Variants in KIF27 observed in about 807,000 individuals in gnomAD.
KIF27 encodes kinesin family member 27.
KIF27 carries 84 observed loss-of-function variants against 141.8 expected under a neutral mutation model. The observed-to-expected ratio is 0.59, with a 90% confidence interval of 0.50 to 0.71. The LOEUF is 0.71. KIF27 is among the 30% of genes least tolerant of loss of function. The pLI is 0.00. For missense variants in KIF27, 1,306 were observed against 1,628.4 expected (o/e 0.80, Z 3.41); for synonymous variants, 471 against 569.5 (o/e 0.83, Z 2.46).
chr9:83,881,149 A>C (rs1280706074), intron 10 of KIF27, among the ~76,000 whole-genome samples: 1 of 151,886 alleles, frequency 6.6e-6, no homozygotes, highest in African/African-American at 2.4e-5. Flanking sequence ...AACCATTATA[A>C]TTACTATTTT....
chr9:83,844,587 C>T (rs1350402284), intron 16 of KIF27, among the ~76,000 whole-genome samples: 2 of 152,050 alleles, frequency 1.3e-5, no homozygotes, highest in Non-Finnish European at 2.9e-5. Flanking sequence ...GAACTGTTTA[C>T]AGAATTATGC....
At chr9:83,864,012 C>T (rs1356013668) in intron 13 of KIF27, among the ~76,000 whole-genome samples, 1 of 152,150 alleles carries the variant, frequency 6.6e-6, no homozygotes. Flanking sequence ...TCTGTGGGAT[C>T]GGTGGTGATA....
At position 83,837,330 on chromosome 9, in the gene KIF27, G is replaced by A. The variant is rs1466826673; in HGVS notation, c.3877C>T (p.Gln1293Ter). 4 of 1,607,666 alleles carry A rather than the reference G, an allele frequency of 2.5e-6. No individual in the cohort carries two copies. The East Asian group carries it at 6.7e-5, about 27-fold the overall frequency. The change falls in exon 18 of 18, where the codon CAA becomes TAA. Residue 1293 changes from glutamine to a stop codon, truncating the protein, a stop_gained. Coordinates refer to ENST00000297814, the MANE Select transcript of KIF27 (RefSeq NM_017576.4). LOFTEE classifies it low-confidence loss of function (END_TRUNC). ...ASSLRTQPNP[Q>*]KLWEDIPELP... is the part of the protein sequence containing the mutation. ...TCTGGGATATCTTCCCAGAGCTTTT[G>A]AGGATTTGGCTGTGTTCTTAAGCTG...
chr9:83,844,320 A>ATATAGATAGCTATATATATTTATATAGAT (rs1946951920), intron 16 of KIF27, among the ~76,000 whole-genome samples: 1 of 151,412 alleles, frequency 6.6e-6, no homozygotes, highest in Admixed American at 6.6e-5. Context: ...AGATATAGAT[A>ATATAGATAGCTATATATATTTATATAGAT]TATAGATAGC....
intron 12 of KIF27, among the ~76,000 whole-genome samples, chr9:83,870,061 A>G (rs1397496357): frequency 2.0e-5 from 3 of 152,194 alleles, no homozygotes; most frequent in Non-Finnish European, 4.4e-5. Flanking sequence ...CAAAACAAAT[A>G]CTAGAAATTT....
At chr9:83,872,812 A>G (rs1950902294) in intron 11 of KIF27, among the ~76,000 whole-genome samples, 2 of 152,198 alleles carry the variant, frequency 1.3e-5, no homozygotes, top group South Asian at 4.1e-4. Context: ...AAGGGGGATG[A>G]TAAGTAAAGG....
At position 83,850,156 on chromosome 9, in the gene KIF27, T is replaced by A; in HGVS notation, c.3499A>T (p.Thr1167Ser). The change falls in exon 16 of 18, where the codon ACC becomes TCC. Residue 1167 changes from threonine (T) to serine (S), a missense_variant. This residue lies in a region of KIF27 where 596 missense variants were observed against 751.6 expected (regional missense o/e 0.79). Coordinates refer to ENST00000297814, the MANE Select transcript of KIF27 (RefSeq NM_017576.4). The stretch of plus-strand genomic sequence containing the variant: ...TGTTCGTGTTCCTTTTGCTGGAGGG[T>A]CAGTCTCCGGTCACACTGCAATTTT... ...HLKLQCDRRL[T>S]LQQKEHEQKM... 6.2e-7 allele frequency: 1 copy of A among 1,613,906 alleles called. No individual in the cohort carries two copies. The highest frequency in any genetic ancestry group is 8.5e-7 in the Non-Finnish European group (1 of 1,179,836).
chr9:83,863,202 C>T (rs1950085781), intron 13 of KIF27, among the ~76,000 whole-genome samples: 1 of 152,116 alleles, frequency 6.6e-6, no homozygotes, highest in Admixed American at 6.6e-5. Context: ...GCCAGAACTT[C>T]CAACACTATG....
intron 10 of KIF27, among the ~76,000 whole-genome samples, chr9:83,881,480 T>G (rs1021711963): frequency 6.6e-6 from 1 of 152,222 alleles, no homozygotes; most frequent in Non-Finnish European, 1.5e-5. Flanking sequence ...CTTAGAGCAG[T>G]GCTACTCAAA....
intron 13 of KIF27, among the ~76,000 whole-genome samples, chr9:83,867,233 GT>G (rs1368338968): frequency 6.6e-6 from 1 of 152,096 alleles, no homozygotes; most frequent in Non-Finnish European, 1.5e-5. Flanking sequence ...GATAATCACA[GT>G]TTATCCATTC....
At chr9:83,840,432 CTA>C (rs1463712627) in intron 17 of KIF27, among the ~76,000 whole-genome samples, 2 of 152,124 alleles carry the variant, frequency 1.3e-5, no homozygotes, top group Non-Finnish European at 1.5e-5. Context: ...CCAAGATTAA[CTA>C]TGTTTTAGAT....
chr9:83,844,247 C>T (rs1946930689), intron 16 of KIF27, among the ~76,000 whole-genome samples: 1 of 146,482 alleles, frequency 6.8e-6, no homozygotes, highest in South Asian at 2.2e-4. Flanking sequence ...TTGCAGACAG[C>T]CTACTGTGGG....
At chr9:83,863,184 T>A (rs528384293) in intron 13 of KIF27, among the ~76,000 whole-genome samples, 2 of 152,146 alleles carry the variant, frequency 1.3e-5, no homozygotes, top group Non-Finnish European at 1.5e-5. Context: ...TCCTGCCTGA[T>A]TGCCCTGGCC....
At chr9:83,921,215 CA>C (rs1347876102) in intron 1 of KIF27, among the ~76,000 whole-genome samples, 155 bp downstream of exon 1, 8 of 152,032 alleles carry the variant, frequency 5.3e-5, no homozygotes, top group African/African-American at 7.2e-5. Flanking sequence ...CTCCGCTACC[CA>C]CCCGCGGCGG....
In KIF27 at chr9:83,834,872, A is replaced by G. The variant is rs1194556580; in HGVS notation, c.*2129T>C. 1.3e-5 allele frequency among the ~76,000 whole-genome samples: 2 copies of G among 148,930 alleles called. No homozygotes were observed. Among genetic ancestry groups the G allele is most frequent in the African/African-American group, 2.5e-5 (1 of 40,538 alleles). On this transcript the variant is annotated 3_prime_UTR_variant, in exon 18 of 18. Transcript: ENST00000297814. ...TATAAAATATGATATGAAATAATAT[A>G]AAGTGAAATAATGTAAAATGTATAA...
chr9:83,860,879 G>A (rs576321290), intron 13 of KIF27, among the ~76,000 whole-genome samples: 122 of 147,088 alleles, frequency 8.3e-4, no homozygotes, highest in African/African-American at 2.8e-3. Flanking sequence ...AGGCTTGATG[G>A]GAGATTTTTT....
intron 9 of KIF27, among the ~76,000 whole-genome samples, chr9:83,884,560 A>T (rs573970625): frequency 6.6e-6 from 1 of 152,342 alleles, no homozygotes; most frequent in Non-Finnish European, 1.5e-5. Context: ...ATTATAAAGC[A>T]ATCCCAAATG....
At position 83,915,674 on chromosome 9, in the gene KIF27, G is replaced by T; in HGVS notation, c.-83C>A. The T allele has an allele frequency of 7.5e-7, 1 of 1,330,376 alleles. No individual in the cohort carries two copies. Among genetic ancestry groups the T allele is most frequent in the Non-Finnish European group, 1.0e-6 (1 of 975,984 alleles). The allele number at this position is 1,330,376 out of a possible 1,614,324, so 82.4% of individuals were successfully genotyped here. On this transcript the variant is annotated 5_prime_UTR_variant, in exon 2 of 18. Transcript: ENST00000297814. ...AGACTTCCATCTTATGTAAGATCTG[G>T]ATTCCTGTGCAACAAAAATAAAAAG...
intron 17 of KIF27, chr9:83,838,793 T>G (rs1422658954): frequency 6.6e-6 from 1 of 152,230 alleles, no homozygotes; most frequent in African/African-American, 2.4e-5. Flanking sequence ...CAGTCCCCAC[T>G]GCTCACTCTG....
Sources: allele counts gnomAD v4.1 joint callset (sites outside exome capture counted in the v4.1 genomes callset), GRCh38; gene constraint gnomAD v4.1.1; regional missense constraint gnomAD v4.1.1; transcripts MANE v1.5; gene names NCBI Gene and HGNC (gene_info 2026-07-23, HGNC 2026-07-21).